SYTL5: variants seen among roughly 807,000 people sequenced by gnomAD.
SYTL5 encodes synaptotagmin like 5.
A neutral mutation model predicts 55.9 loss-of-function variants in SYTL5; 34 were observed. That is an observed-to-expected ratio of 0.61 (90% CI 0.46 to 0.81). SYTL5 has a LOEUF of 0.81. Ranked by LOEUF, SYTL5 falls within the 30% of genes least tolerant of loss-of-function variation. The pLI is 0.00. For missense variants in SYTL5, 637 were observed against 546.7 expected, an observed-to-expected ratio of 1.17 and a Z score of -1.65; for synonymous variants, 221 against 188.7, an observed-to-expected ratio of 1.17 and a Z score of -1.40.
intron 1 of SYTL5, among the ~76,000 whole-genome samples, chrX:38,025,491 T>C (rs1934736692): frequency 8.9e-6 from 1 of 111,870 alleles, no homozygotes; most frequent in Non-Finnish European, 1.9e-5. Context: ...TAATGACTTG[T>C]CCAAAGTTAT....
At chrX:38,076,524 C>A (rs1014255811) in intron 5 of SYTL5, 43 bp from the exon 6 acceptor site, 2 of 971,617 alleles carry the variant, frequency 2.1e-6, no homozygotes, top group Admixed American at 3.4e-5. Flanking sequence ...TTTTTAAATG[C>A]TTTCTTTCTT....
chrX:38,046,976 C>T (rs547983178), intron 2 of SYTL5, among the ~76,000 whole-genome samples: 34 of 112,278 alleles, frequency 3.0e-4, no homozygotes, highest in African/African-American at 1.0e-3. Context: ...AGGTCACGCA[C>T]GCTGATGCAA....
At chrX:38,027,868 A>C (rs756282322) in intron 1 of SYTL5, among the ~76,000 whole-genome samples, 3 of 105,826 alleles carry the variant, frequency 2.8e-5, no homozygotes, top group Admixed American at 1.0e-4. Context: ...TTGTTGCCCA[A>C]GCTGGAGTGC....
chrX:38,088,698 T>C (rs1394016911), intron 6 of SYTL5, among the ~76,000 whole-genome samples: 2 of 112,504 alleles, frequency 1.8e-5, no homozygotes, highest in Non-Finnish European at 3.8e-5. Context: ...ATGTGCACCA[T>C]GAATTAGACA....
the SYTL5 span, among the ~76,000 whole-genome samples, chrX:37,968,821 A>G: frequency 8.9e-6 from 1 of 111,856 alleles, no homozygotes; most frequent in Admixed American, 9.5e-5. Context: ...ATTAATCCAA[A>G]CAAGCTTTTA....
chrX:38,094,428 G>A lies in SYTL5; in HGVS notation c.961+4G>A. 8.4e-7 allele frequency: 1 copy of A among 1,189,272 alleles called. No homozygotes were observed. The highest frequency in any genetic ancestry group is 3.0e-5 in the East Asian group (1 of 33,447). On this transcript the variant is annotated splice_donor_region_variant and intron_variant, in intron 8 of 16. Coordinates refer to ENST00000297875, the MANE Select transcript of SYTL5 (RefSeq NM_138780.3). ...TCTGGAACCTCTCTCTCCTCAGGTG[G>A]GTATTTACAATGTGCCTACTTTGTT...
chrX:38,039,932 T>G (rs1381096978), intron 2 of SYTL5, among the ~76,000 whole-genome samples: 3 of 111,606 alleles, frequency 2.7e-5, no homozygotes, highest in African/African-American at 9.8e-5. Flanking sequence ...TCCCAGCACT[T>G]TGGGAGACCA....
At chrX:37,941,984 C>T in the SYTL5 span, among the ~76,000 whole-genome samples, 2 of 111,691 alleles carry the variant, frequency 1.8e-5, no homozygotes, top group African/African-American at 3.2e-5. Flanking sequence ...CAGGGTTAAC[C>T]GTTTTGGTAG....
chrX:37,935,004 A>G, the SYTL5 span, among the ~76,000 whole-genome samples: 2 of 112,100 alleles, frequency 1.8e-5, no homozygotes, highest in African/African-American at 6.5e-5. Context: ...ACATTCGAGA[A>G]TCCCTATGAA....
chrX:38,091,772 C>A (rs909603345), intron 7 of SYTL5, among the ~76,000 whole-genome samples: 2 of 111,846 alleles, frequency 1.8e-5, no homozygotes, highest in East Asian at 5.6e-4. Context: ...TATCTTTCTA[C>A]GTACAATTTG....
At chrX:38,029,235 A>G (rs1789446997) in intron 1 of SYTL5, among the ~76,000 whole-genome samples, 1 of 112,178 alleles carries the variant, frequency 8.9e-6, no homozygotes, top group African/African-American at 3.2e-5. Flanking sequence ...GTTTGTCACA[A>G]GACTTTCCCA....
At chrX:37,905,838 G>T in the SYTL5 span, among the ~76,000 whole-genome samples, 1 of 113,338 alleles carries the variant, frequency 8.8e-6, no homozygotes, top group South Asian at 3.6e-4. Context: ...CTTGAGGGGC[G>T]GGCTGTGCCT....
the SYTL5 span, among the ~76,000 whole-genome samples, chrX:37,974,242 A>G: frequency 8.9e-6 from 1 of 112,568 alleles, no homozygotes; most frequent in African/African-American, 3.2e-5. Flanking sequence ...ACAATGAAAT[A>G]TATTCTGTCA....
intron 13 of SYTL5, among the ~76,000 whole-genome samples, chrX:38,116,128 A>G (rs1937484141): frequency 8.9e-6 from 1 of 112,013 alleles, no homozygotes; most frequent in Admixed American, 9.4e-5. Context: ...GGTGTGAGAC[A>G]AGGGTCCAAT....
At chrX:38,004,109 GT>G (rs1370830799), upstream of SYTL5, among the ~76,000 whole-genome samples, 1 of 111,763 alleles carries the variant, frequency 8.9e-6, no homozygotes, top group East Asian at 2.8e-4. Flanking sequence ...CAGATTGGTA[GT>G]TTGCAAATAT....
At chrX:38,010,779 T>C (rs776215617) in intron 1 of SYTL5, among the ~76,000 whole-genome samples, 110 of 111,910 alleles carry the variant, frequency 9.8e-4, no homozygotes, top group African/African-American at 3.4e-3. Context: ...TTTTTACTAA[T>C]ACACTTGGAG....
intron 8 of SYTL5, among the ~76,000 whole-genome samples, chrX:38,095,729 A>C (rs1258537810): frequency 9.0e-6 from 1 of 110,628 alleles, no homozygotes; most frequent in Non-Finnish European, 1.9e-5. Flanking sequence ...ATCTGAAAAC[A>C]CAGTGAATTC....
upstream of SYTL5, among the ~76,000 whole-genome samples, chrX:38,004,666 C>G (rs1021197617): frequency 9.0e-6 from 1 of 110,677 alleles, no homozygotes; most frequent in Admixed American, 9.6e-5. Flanking sequence ...GTCAAATAAG[C>G]CAGACACAGA....
At chrX:37,893,543 T>TAATCTATAGATTATAGATTATATATAC in the SYTL5 span, among the ~76,000 whole-genome samples, 16 of 90,439 alleles carry the variant, frequency 1.8e-4, no homozygotes, top group African/African-American at 6.2e-4. Context: ...AGATAATATA[T>TAATCTATAGATTATAGATTATATATAC]AATCTATAGA....
Sources: allele counts gnomAD v4.1 joint callset (sites outside exome capture counted in the v4.1 genomes callset), GRCh38; gene constraint gnomAD v4.1.1; transcripts MANE v1.5; gene names NCBI Gene and HGNC (gene_info 2026-07-23, HGNC 2026-07-21).